EXOC6B: variants seen among roughly 807,000 people sequenced by gnomAD.
EXOC6B encodes exocyst complex component 6B, also known as SEC15 homolog B.
A neutral mutation model predicts 113.5 loss-of-function variants in EXOC6B; 54 were observed. That is an observed-to-expected ratio of 0.48 (90% CI 0.38 to 0.60). The LOEUF (loss-of-function observed/expected upper bound fraction) is 0.60. Among genes scored for constraint, EXOC6B ranks in the 20% least tolerant of loss-of-function variants. EXOC6B has a pLI of 0.00. For missense variants in EXOC6B, 797 were observed against 977.5 expected, an observed-to-expected ratio of 0.82 and a Z score of 2.46; for synonymous variants, 357 against 339.0, an observed-to-expected ratio of 1.05 and a Z score of -0.58.
At chr2:72,398,943 TA>T (rs2105147658) in intron 18 of EXOC6B, among the ~76,000 whole-genome samples, 1 of 147,304 alleles carries the variant, frequency 6.8e-6, no homozygotes, top group South Asian at 2.1e-4. Context: ...AAGAAAATAG[TA>T]AATCCTCCCT....
intron 5 of EXOC6B, among the ~76,000 whole-genome samples, chr2:72,730,535 T>A (rs1457301466): frequency 6.7e-6 from 1 of 150,084 alleles, no homozygotes; most frequent in Non-Finnish European, 1.5e-5. Flanking sequence ...GTGAGCCAAT[T>A]CCTTAAAATA....
intron 19 of EXOC6B, among the ~76,000 whole-genome samples, chr2:72,335,547 TGCACACAC>T (rs1481647683): frequency 2.3e-4 from 24 of 104,790 alleles, no homozygotes; most frequent in African/African-American, 8.4e-4. Context: ...ACTGCATTAT[TGCACACAC>T]ACACACACAC....
At chr2:72,542,509 C>T (rs924277948) in intron 8 of EXOC6B, among the ~76,000 whole-genome samples, 2 of 152,150 alleles carry the variant, frequency 1.3e-5, no homozygotes, top group African/African-American at 4.8e-5. Context: ...CCAAACTCAG[C>T]TTTTTCAAAC....
intron 18 of EXOC6B, among the ~76,000 whole-genome samples, chr2:72,385,611 C>T (rs2105088544): frequency 6.6e-6 from 1 of 152,196 alleles, no homozygotes; most frequent in South Asian, 2.1e-4. Flanking sequence ...GCAAACCACA[C>T]ATCTGATAAG....
chr2:72,823,034 T>C (rs1573855272), intron 1 of EXOC6B, among the ~76,000 whole-genome samples: 1 of 151,526 alleles, frequency 6.6e-6, no homozygotes, highest in Non-Finnish European at 1.5e-5. Flanking sequence ...GATCATCCCC[T>C]ATGAATATGG....
At position 72,431,485 on chromosome 2, in the gene EXOC6B, T is replaced by C. The variant is rs142562269; in HGVS notation, c.1980+33675A>G. ...TGCCACCATGACTGGCTTGATTTCT[T>C]TATCTATCTATCTATCTATCTATCT... On this transcript the variant is annotated intron_variant, in intron 18 of 21. Coordinates refer to ENST00000272427, the MANE Select transcript of EXOC6B (RefSeq NM_015189.3). 1.4e-3 allele frequency among the ~76,000 whole-genome samples: 192 copies of C among 133,892 alleles called. 2 individuals carry two copies. Among genetic ancestry groups the C allele is most frequent in the African/African-American group, 4.5e-3 (157 of 34,556 alleles). The allele number at this position is 133,892 out of a possible 152,430, so 87.8% of individuals were successfully genotyped here. A position where few individuals can be genotyped will look rare whatever the true frequency, so the allele number is the denominator to read the frequency against.
intron 5 of EXOC6B, among the ~76,000 whole-genome samples, chr2:72,727,044 T>C (rs1204639210): frequency 6.6e-6 from 1 of 152,156 alleles, no homozygotes; most frequent in African/African-American, 2.4e-5. Flanking sequence ...GACTTAAGCG[T>C]CTACACCTAG....
At position 72,446,682 on chromosome 2, in the gene EXOC6B, T is replaced by C. The variant is rs546759424; in HGVS notation, c.1980+18478A>G. ...AATAACTACTGGGTACTAGGCTTAATACCTGGGTGATGAAATAATCTGTAC... is the reference window on the plus strand; with the variant it reads ...AATAACTACTGGGTACTAGGCTTAACACCTGGGTGATGAAATAATCTGTAC... On this transcript the variant is annotated intron_variant, in intron 18 of 21. Coordinates refer to ENST00000272427, the MANE Select transcript of EXOC6B (RefSeq NM_015189.3). Among the ~76,000 whole-genome samples the C allele has an allele frequency of 4.6e-5, 7 of 152,278 alleles. No homozygotes were observed. The South Asian group carries it at 1.5e-3, about 32-fold the overall frequency.
intron 6 of EXOC6B, among the ~76,000 whole-genome samples, chr2:72,665,134 G>A (rs747920006): frequency 4.1e-4 from 63 of 152,278 alleles, no homozygotes; most frequent in African/African-American, 1.5e-3. Context: ...CGCAGCCTCT[G>A]ACAAAGGGAG....
chr2:72,269,728 A>C (rs191418446), intron 20 of EXOC6B, among the ~76,000 whole-genome samples: 75 of 152,322 alleles, frequency 4.9e-4, no homozygotes, highest in African/African-American at 1.6e-3. Context: ...TAAGCTGCTT[A>C]ACCTCTTTGA....
intron 20 of EXOC6B, among the ~76,000 whole-genome samples, chr2:72,234,843 C>T (rs568153711): frequency 5.4e-4 from 82 of 152,006 alleles, no homozygotes; most frequent in African/African-American, 1.9e-3. Context: ...AATCATGAGA[C>T]ACCATCTCAT....
chr2:72,501,818 G>T (rs1700336623), intron 11 of EXOC6B, among the ~76,000 whole-genome samples: 1 of 149,590 alleles, frequency 6.7e-6, no homozygotes, highest in South Asian at 2.1e-4. Flanking sequence ...GGAGTGCAGT[G>T]GCAGGATCAT....
At chr2:72,820,554 G>C (rs560796864) in intron 1 of EXOC6B, among the ~76,000 whole-genome samples, 1 of 152,024 alleles carries the variant, frequency 6.6e-6, no homozygotes, top group African/African-American at 2.4e-5. Context: ...AAAAACTTTC[G>C]CTGAAAACTA....
chr2:72,232,803 T>C (rs1349119290), intron 20 of EXOC6B, among the ~76,000 whole-genome samples: 2 of 152,320 alleles, frequency 1.3e-5, no homozygotes, highest in East Asian at 3.9e-4. Flanking sequence ...CCAGGCGCAG[T>C]GGCTCATGCC....
At chr2:72,788,428 TG>T (rs1684493931) in intron 1 of EXOC6B, among the ~76,000 whole-genome samples, 2 of 152,220 alleles carry the variant, frequency 1.3e-5, no homozygotes, top group African/African-American at 4.8e-5. Flanking sequence ...TTTTTGCTGT[TG>T]TTTTTTTACC....
intron 20 of EXOC6B, among the ~76,000 whole-genome samples, chr2:72,227,509 G>A (rs1681320163): frequency 6.6e-6 from 1 of 152,180 alleles, no homozygotes; most frequent in African/African-American, 2.4e-5. Flanking sequence ...CATAATCACA[G>A]AGGGAGATTT....
intron 18 of EXOC6B, among the ~76,000 whole-genome samples, chr2:72,434,053 C>G (rs1695710283): frequency 6.6e-6 from 1 of 152,076 alleles, no homozygotes; most frequent in Admixed American, 6.6e-5. Flanking sequence ...TCATAAATAG[C>G]TCTTATTATT....
intron 20 of EXOC6B, among the ~76,000 whole-genome samples, chr2:72,321,726 T>A (rs929187338): frequency 2.0e-5 from 3 of 152,082 alleles, no homozygotes; most frequent in Non-Finnish European, 4.4e-5. Flanking sequence ...TGCCAGGGAA[T>A]ACAGTAGAGG....
chr2:72,774,039 T>G (rs1014851968), intron 1 of EXOC6B, among the ~76,000 whole-genome samples: 25 of 152,210 alleles, frequency 1.6e-4, no homozygotes, highest in African/African-American at 6.0e-4. Flanking sequence ...ATACTTCAAA[T>G]GAATATTTCA....
Sources: gnomAD v4.1 joint callset for allele counts (sites outside exome capture counted in the v4.1 genomes callset) on GRCh38, gnomAD v4.1.1 for gene constraint, MANE v1.5 for transcripts, NCBI Gene and HGNC (gene_info 2026-07-23, HGNC 2026-07-21) for gene names.